Variants in ARHGEF3 observed in about 807,000 individuals in gnomAD.
ARHGEF3 encodes Rho guanine nucleotide exchange factor 3, also known as 59.8 kDA protein.
Under a neutral mutation model 63.2 loss-of-function variants are expected in ARHGEF3, and 28 were observed. That is an observed-to-expected ratio of 0.44 (90% CI 0.33 to 0.61). ARHGEF3 has a LOEUF of 0.61. Among genes scored for constraint, ARHGEF3 ranks in the 20% least tolerant of loss-of-function variants. ARHGEF3 has a pLI of 0.03. For missense variants in ARHGEF3, 533 were observed against 659.3 expected (o/e 0.81, Z 2.10); for synonymous variants, 266 against 254.2 (o/e 1.05, Z -0.44).
intron 9 of ARHGEF3, among the ~76,000 whole-genome samples, chr3:56,730,816 A>C (rs76681993): frequency 6.6e-6 from 1 of 152,118 alleles, no homozygotes; most frequent in Non-Finnish European, 1.5e-5. Context: ...AACCACCACC[A>C]CTTCCAATGG....
intron 4 of ARHGEF3, among the ~76,000 whole-genome samples, chr3:56,868,818 A>G (rs2040341161): frequency 6.6e-6 from 1 of 152,200 alleles, no homozygotes; most frequent in Admixed American, 6.5e-5. Context: ...GTGCTTGGTT[A>G]ACTTGTTTCA....
rs1009119 is a variant in ARHGEF3 at position 56,729,200 on chromosome 3, T to C, written c.*70A>G. On this transcript the variant is annotated 3_prime_UTR_variant, in exon 10 of 10. Transcript: ENST00000296315. Reference sequence around the variant, plus strand: ...TATGAAAAAGTGCTTCTCCAAACCGTTCCATCTGTGGAATGCAAATACTGT... The same window carrying C: ...TATGAAAAAGTGCTTCTCCAAACCGCTCCATCTGTGGAATGCAAATACTGT... 228,794 of 1,393,742 alleles carry C rather than the reference T, an allele frequency of 0.16. 21,977 individuals are homozygous for C. The highest frequency in any genetic ancestry group is 0.38 in the South Asian group (27,534 of 72,034). The allele number at this position is 1,393,742 out of a possible 1,614,324, so 86.3% of individuals were successfully genotyped here.
At chr3:56,973,144 G>A (rs1427029256) in intron 2 of ARHGEF3, among the ~76,000 whole-genome samples, 2 of 151,938 alleles carry the variant, frequency 1.3e-5, no homozygotes, top group Non-Finnish European at 2.9e-5. Flanking sequence ...AGCCTCCCGA[G>A]TAGCTGGGAC....
chr3:57,041,931 C>A (rs1704203260), intron 1 of ARHGEF3, among the ~76,000 whole-genome samples: 1 of 152,190 alleles, frequency 6.6e-6, no homozygotes, highest in Non-Finnish European at 1.5e-5. Context: ...GACCCAGAGC[C>A]CTTGGCTAAA....
At chr3:56,749,329 G>A (rs144891611) in intron 6 of ARHGEF3, among the ~76,000 whole-genome samples, 3 of 152,274 alleles carry the variant, frequency 2.0e-5, no homozygotes, top group East Asian at 1.9e-4. Flanking sequence ...TCTAATAAAC[G>A]TGACAAATGT....
intron 3 of ARHGEF3, among the ~76,000 whole-genome samples, chr3:56,897,833 G>A (rs2041356672): frequency 6.6e-6 from 1 of 151,972 alleles, no homozygotes; most frequent in Non-Finnish European, 1.5e-5. Flanking sequence ...CCAAAGTGTT[G>A]GGATTACAGG....
chr3:56,985,601 C>A (rs1701502406), intron 2 of ARHGEF3, among the ~76,000 whole-genome samples: 1 of 152,194 alleles, frequency 6.6e-6, no homozygotes, highest in Non-Finnish European at 1.5e-5. Context: ...CAGCAGGGCT[C>A]AGGGCCAGCT....
intron 4 of ARHGEF3, among the ~76,000 whole-genome samples, chr3:56,850,188 A>C (rs2039628481): frequency 6.6e-6 from 1 of 152,182 alleles, no homozygotes; most frequent in East Asian, 1.9e-4. Context: ...AAATATCAGC[A>C]GTCCCCATCT....
chr3:56,749,858 T>C (rs903909585), intron 6 of ARHGEF3, among the ~76,000 whole-genome samples: 2 of 151,020 alleles, frequency 1.3e-5, no homozygotes, highest in South Asian at 4.1e-4. Flanking sequence ...TCAAGTATCT[T>C]GATCAAGGCA....
intron 2 of ARHGEF3, among the ~76,000 whole-genome samples, chr3:56,968,190 TATATA>T (rs1700708514): frequency 7.3e-5 from 1 of 13,762 alleles, no homozygotes; most frequent in African/African-American, 1.4e-4. Flanking sequence ...AAATATATAT[TATATA>T]TAATATATAA....
chr3:56,785,373 GGGTCTT>G (rs1483409146), intron 1 of ARHGEF3, among the ~76,000 whole-genome samples: 1 of 152,064 alleles, frequency 6.6e-6, no homozygotes. Context: ...CCTTATAGAT[GGGTCTT>G]GAGGTTTGCA....
rs138976591 is a variant in ARHGEF3, at chr3:56,984,398, G to C, written c.63-25509C>G. 1.2e-3 allele frequency among the ~76,000 whole-genome samples: 177 copies of C among 152,330 alleles called. 4 individuals carry two copies. In the East Asian group the frequency reaches 0.033, roughly 28 times the overall value. On this transcript the variant is annotated intron_variant, in intron 2 of 12. Transcript: ENST00000338458. The stretch of plus-strand genomic sequence containing the variant: ...TCCATGATGGATGGATGGTTGGTAA[G>C]TGGACAAGCACATGATGGGTAGGTG...
intron 3 of ARHGEF3, among the ~76,000 whole-genome samples, chr3:56,933,447 T>A (rs2108398428): frequency 6.6e-6 from 1 of 151,796 alleles, no homozygotes; most frequent in Admixed American, 6.6e-5. Context: ...TGAGACAGTG[T>A]CTCACTTTGT....
chr3:56,740,626 G>A (rs972805529), intron 7 of ARHGEF3, among the ~76,000 whole-genome samples: 3 of 152,206 alleles, frequency 2.0e-5, no homozygotes, highest in African/African-American at 7.2e-5. Flanking sequence ...CTGCCTTCAA[G>A]AAGCTTAAAA....
intron 2 of ARHGEF3, among the ~76,000 whole-genome samples, chr3:56,974,702 G>A (rs1701055572): frequency 6.6e-6 from 1 of 151,918 alleles, no homozygotes; most frequent in Admixed American, 6.6e-5. Context: ...ATCATCGCAC[G>A]TTTTCAATGG....
At chr3:56,853,140 G>T (rs2039734924) in intron 4 of ARHGEF3, among the ~76,000 whole-genome samples, 1 of 152,072 alleles carries the variant, frequency 6.6e-6, no homozygotes, top group Non-Finnish European at 1.5e-5. Flanking sequence ...CCCTCCTGTA[G>T]TACCTGAGCA....
intron 2 of ARHGEF3, among the ~76,000 whole-genome samples, chr3:56,993,477 C>T (rs753563402): frequency 1.3e-5 from 2 of 151,960 alleles, no homozygotes; most frequent in Non-Finnish European, 2.9e-5. Context: ...TGGGCTCAAG[C>T]GATCCTCCTA....
intron 3 of ARHGEF3, among the ~76,000 whole-genome samples, chr3:56,920,174 T>G (rs1442295306): frequency 6.6e-6 from 1 of 152,184 alleles, no homozygotes; most frequent in Non-Finnish European, 1.5e-5. Flanking sequence ...GGGTATGGTA[T>G]TTTTCTTTCA....
intron 4 of ARHGEF3, among the ~76,000 whole-genome samples, chr3:56,807,178 G>A (rs1212593696): frequency 2.0e-5 from 3 of 152,144 alleles, no homozygotes; most frequent in South Asian, 2.1e-4. Context: ...GAGCCACCGC[G>A]CCAGGCCTGA....
Sources: allele counts gnomAD v4.1 joint callset (sites outside exome capture counted in the v4.1 genomes callset), GRCh38; gene constraint gnomAD v4.1.1; transcripts MANE v1.5; gene names NCBI Gene and HGNC (gene_info 2026-07-23, HGNC 2026-07-21).